The following BDH1 variants were observed in gnomAD, a reference collection of about 807,000 sequenced individuals.
BDH1 encodes the protein D-beta-hydroxybutyrate dehydrogenase, mitochondrial.
In BDH1, 30 loss-of-function variants were observed where a neutral mutation model predicts 33.1. The ratio of observed to expected loss-of-function variants is 0.91; its 90% CI spans 0.68 to 1.23. The LOEUF (loss-of-function observed/expected upper bound fraction) is 1.23. Ranked by LOEUF, BDH1 falls within the 50% of genes most tolerant of loss-of-function variation. The pLI is 0.00. For synonymous variants in BDH1, 190 were observed against 183.6 expected, an observed-to-expected ratio of 1.03 and a Z score of -0.28; for missense variants, 443 against 464.4, an observed-to-expected ratio of 0.95 and a Z score of 0.42.
Position 197,538,017 on chromosome 3 carries a change from C to T in BDH1, c.84-4456G>A, listed in dbSNP as rs7641933. ...AGAAAACCTAGAGAACTCATCACTG[C>T]ACCATTTCTTGGGTCCTGAGGTCCT... is the stretch of plus-strand genomic sequence containing the variant. On this transcript the variant is annotated intron_variant, in intron 3 of 7. Coordinates refer to ENST00000392379, the MANE Select transcript of BDH1 (RefSeq NM_203314.3). Among the ~76,000 whole-genome samples the T allele has an allele frequency of 5.2e-3, 798 of 152,330 alleles. 7 individuals carry two copies. Among genetic ancestry groups the T allele is most frequent in the African/African-American group, 0.018 (739 of 41,574 alleles).
Position 197,514,845 on chromosome 3 carries a change from G to T in BDH1, c.410-429C>A, listed in dbSNP as rs1712519068. Among the ~76,000 whole-genome samples, 1 of 152,120 alleles carries T rather than the reference G, an allele frequency of 6.6e-6. No homozygotes were observed. Among genetic ancestry groups the T allele is most frequent in the African/African-American group, 2.4e-5 (1 of 41,420 alleles). On this transcript the variant is annotated intron_variant, in intron 6 of 7. Transcript: ENST00000392379. The surrounding 1 kb of genome is among the most constrained non-coding windows in gnomAD (Gnocchi z 4.2). ...TTTTGCTCACGTCTTCTCTTCTCTT[G>T]CCAGAAGCCAGGGAAATCACAGGGG...
intron 2 of BDH1, among the ~76,000 whole-genome samples, chr3:197,549,986 T>TATATATATATATATATATA (rs3061417): frequency 3.3e-5 from 5 of 149,478 alleles, no homozygotes; most frequent in African/African-American, 7.6e-5. Flanking sequence ...TATATATATA[T>TATATATATATATATATATA]TTGGCCATTC....
At chr3:197,562,606 C>G (rs150202729) in intron 1 of BDH1, among the ~76,000 whole-genome samples, 2 of 152,210 alleles carry the variant, frequency 1.3e-5, no homozygotes, top group African/African-American at 4.8e-5. Flanking sequence ...TTTGAGCCCT[C>G]TCAGAGGACA....
At chr3:197,538,101 A>T (rs775035891) in intron 3 of BDH1, among the ~76,000 whole-genome samples, 7 of 152,204 alleles carry the variant, frequency 4.6e-5, no homozygotes, top group Non-Finnish European at 1.0e-4. Context: ...TTACATACTT[A>T]CTAAATTATT....
At chr3:197,524,773 T>A (rs1045016053) in intron 5 of BDH1, among the ~76,000 whole-genome samples, 2 of 151,566 alleles carry the variant, frequency 1.3e-5, no homozygotes, top group Non-Finnish European at 2.9e-5. Context: ...GGATGGGGTG[T>A]GGGAAAGGTG....
intron 2 of BDH1, among the ~76,000 whole-genome samples, chr3:197,548,886 C>A (rs6768543): frequency 2.2e-5 from 3 of 134,110 alleles, no homozygotes; most frequent in African/African-American, 2.6e-5. Context: ...AAAAAAAACA[C>A]AAAAAACTCA....
Position 197,547,237 on chromosome 3 carries a change from C to T in BDH1, c.-43-751G>A, listed in dbSNP as rs145630109. ...CAGCATTATTGACCGCTGATCAGCA[C>T]GGGCATGCGTTGCCCTCCTGTTCTG... On this transcript the variant is annotated intron_variant, in intron 2 of 7. Coordinates refer to ENST00000392379, the MANE Select transcript of BDH1 (RefSeq NM_203314.3). Among the ~76,000 whole-genome samples, 1,250 of 152,314 alleles carry T rather than the reference C, an allele frequency of 8.2e-3. 14 individuals carry two copies. Among genetic ancestry groups the T allele is most frequent in the African/African-American group, 0.027 (1,131 of 41,554 alleles).
intron 1 of BDH1, among the ~76,000 whole-genome samples, chr3:197,562,158 G>A (rs527243695): frequency 2.8e-4 from 42 of 152,314 alleles, no homozygotes; most frequent in African/African-American, 8.2e-4. Flanking sequence ...AATGGCAGAC[G>A]AGAACTACAA....
chr3:197,551,775 C>G (rs1716592106), intron 2 of BDH1, among the ~76,000 whole-genome samples: 1 of 152,164 alleles, frequency 6.6e-6, no homozygotes, highest in African/African-American at 2.4e-5. Context: ...GACACTGGAA[C>G]CTGTGCTTCC....
chr3:197,531,439 G>GTA lies in BDH1; in HGVS notation c.267+971_267+972dup, dbSNP rs1250043563. On this transcript the variant is annotated intron_variant, in intron 5 of 7. Coordinates refer to ENST00000392379, the MANE Select transcript of BDH1 (RefSeq NM_203314.3). ...AAAAAATATATATATATATATATGT[G>GTA]TATATATATATATACATATATGTAT... Among the ~76,000 whole-genome samples, 523 of 143,642 alleles carry GTA rather than the reference G, an allele frequency of 3.6e-3. 4 individuals carry two copies. The highest frequency in any genetic ancestry group is 0.01 in the African/African-American group (409 of 39,464). 94.2% of individuals were successfully genotyped at this position (143,642 alleles called of 152,430 possible). A position where few individuals can be genotyped will look rare whatever the true frequency, so the allele number is the denominator to read the frequency against.
intron 4 of BDH1, among the ~76,000 whole-genome samples, chr3:197,533,105 T>A (rs1472998070): frequency 2.6e-5 from 4 of 152,156 alleles, no homozygotes; most frequent in Non-Finnish European, 5.9e-5. Context: ...TTGAACTCCC[T>A]ACCTTAGTTG....
chr3:197,524,165 A>G (rs1440670886), intron 5 of BDH1, among the ~76,000 whole-genome samples: 7 of 152,386 alleles, frequency 4.6e-5, no homozygotes, highest in East Asian at 1.9e-4. Context: ...ATAGTTGGTC[A>G]TAAATGACTT....
chr3:197,565,162 C>T (rs1488959061), intron 1 of BDH1, among the ~76,000 whole-genome samples: 14 of 152,116 alleles, frequency 9.2e-5, no homozygotes, highest in Non-Finnish European at 4.4e-5. Flanking sequence ...CCTCGGGTGA[C>T]CCACCTGCCT....
chr3:197,510,703 GTGTGTGTGTGTGTGTACA>G lies in BDH1; in HGVS notation c.*1174_*1191del. 3.1e-5 allele frequency: 4 copies of G among 128,386 alleles called. No homozygotes were observed. The highest frequency in any genetic ancestry group is 1.0e-4 in the African/African-American group (3 of 28,842). 8.0% of individuals were successfully genotyped at this position (128,386 alleles called of 1,614,324 possible). On this transcript the variant is annotated 3_prime_UTR_variant, in exon 8 of 8. Transcript: ENST00000392379. ...GTGTAAGGTGTGTGTGTGTGTGTGT[GTGTGTGTGTGTGTGTACA>G]TGTGTGTAAGCACCACGTGAGGCAA...
rs989607637 is a variant in BDH1 at position 197,526,984 on chromosome 3, C to T, written c.268-4203G>A. 3.9e-5 allele frequency among the ~76,000 whole-genome samples: 6 copies of T among 152,368 alleles called. No homozygotes were observed. The highest frequency in any genetic ancestry group is 3.9e-4 in the Admixed American group (6 of 15,308). On this transcript the variant is annotated intron_variant, in intron 5 of 7. Transcript: ENST00000392379. This position sits in a 1 kb window ranked among gnomAD's most constrained non-coding sequence, Gnocchi z 4.7. ...GGAAAATATCAGCACACTAACAACT[C>T]TTTCCAGTCGCTCAACCTCTTCTAT...
Position 197,510,684 on chromosome 3 carries a change from G to GGT in BDH1, c.*1209_*1210dup, listed in dbSNP as rs57389278. On this transcript the variant is annotated 3_prime_UTR_variant, in exon 8 of 8. Transcript: ENST00000392379. ...TGTGTGTGTGTGTACATGTGTGTAA[G>GGT]GTGTGTGTGTGTGTGTGTGTGTGTG... 6,376 of 58,652 alleles carry GGT rather than the reference G, an allele frequency of 0.11. 684 individuals are homozygous for GGT. The highest frequency in any genetic ancestry group is 0.32 in the East Asian group (755 of 2,350). The allele number at this position is 58,652 out of a possible 1,614,324, so 3.6% of individuals were successfully genotyped here.
In BDH1 at chr3:197,536,654, G is replaced by A. The variant is rs550948371; in HGVS notation, c.84-3093C>T. Reference sequence around the variant, plus strand: ...TCAGGAGTTCAAGACCAGCCTGGCCGACATGGTGAAACCCTGACTCTACTA... The same window carrying A: ...TCAGGAGTTCAAGACCAGCCTGGCCAACATGGTGAAACCCTGACTCTACTA... On this transcript the variant is annotated intron_variant, in intron 3 of 7. Coordinates refer to ENST00000392379, the MANE Select transcript of BDH1 (RefSeq NM_203314.3). Among the ~76,000 whole-genome samples the A allele has an allele frequency of 1.1e-4, 17 of 152,032 alleles. No individual in the cohort carries two copies. In the South Asian group the frequency reaches 1.5e-3, roughly 13 times the overall value.
rs1215030878 is a variant in BDH1 at position 197,523,380 on chromosome 3, T to C, written c.268-599A>G. 1 of 152,470 alleles carries C rather than the reference T, an allele frequency of 6.6e-6. No homozygotes were observed. The highest frequency in any genetic ancestry group is 1.5e-5 in the Non-Finnish European group (1 of 68,302). The allele number at this position is 152,470 out of a possible 1,614,324, so 9.4% of individuals were successfully genotyped here. A position where few individuals can be genotyped will look rare whatever the true frequency, so the allele number is the denominator to read the frequency against. ...CAGCCTCTAATCCCAGCTCAGTCAC[T>C]GAGTAGGCTTTGTGCACTCAGGGGT... On this transcript the variant is annotated intron_variant, in intron 5 of 7. Coordinates refer to ENST00000392379, the MANE Select transcript of BDH1 (RefSeq NM_203314.3). The surrounding 1 kb of genome is among the most constrained non-coding windows in gnomAD (Gnocchi z 4.5).
chr3:197,546,505 C>T lies in BDH1; in HGVS notation c.-43-19G>A, dbSNP rs1030918146. ...GGTGGTTCTGAAACATAAATGCACC[C>T]TCAGCATTACTTTGTTGCCTTCCGG... On this transcript the variant is annotated intron_variant, in intron 2 of 7. Transcript: ENST00000392379. 7.3e-6 allele frequency: 11 copies of T among 1,510,426 alleles called. No individual in the cohort carries two copies. The Admixed American group carries it at 1.0e-4, about 14-fold the overall frequency. 93.6% of individuals were successfully genotyped at this position (1,510,426 alleles called of 1,614,324 possible).
Sources: allele counts gnomAD v4.1 joint callset (sites outside exome capture counted in the v4.1 genomes callset), GRCh38; gene constraint gnomAD v4.1.1; non-coding constraint Gnocchi (gnomAD v3.1); transcripts MANE v1.5; gene names NCBI Gene and HGNC (gene_info 2026-07-23, HGNC 2026-07-21).